GLYATL2: variants seen among roughly 807,000 people sequenced by gnomAD.
The protein encoded by GLYATL2 is glycine N-acyltransferase-like protein 2.
A neutral mutation model predicts 21.4 loss-of-function variants in GLYATL2; 25 were observed. That is an observed-to-expected ratio of 1.17 (90% CI 0.85 to 1.63). The LOEUF is 1.63. Among genes scored for constraint, GLYATL2 ranks in the 40% most tolerant of loss-of-function variants. GLYATL2 has a pLI of 0.00. For missense variants in GLYATL2, 361 were observed against 343.3 expected (o/e 1.05, Z -0.41); for synonymous variants, 114 against 118.2 (o/e 0.96, Z 0.23).
Position 58,886,007 on chromosome 11 carries a change from G to A in GLYATL2, n.60+18149C>T, listed in dbSNP as rs193212441. ...AGGCAGGAGGATCACTTGAGTCCAGGAGTTTGAGACCAGCCTGTGCAACAT... is the reference window on the plus strand; with the variant it reads ...AGGCAGGAGGATCACTTGAGTCCAGAAGTTTGAGACCAGCCTGTGCAACAT... On this transcript the variant is annotated intron_variant and non_coding_transcript_variant, in intron 1 of 4. Coordinates refer to the GLYATL2 transcript ENST00000533636. Among the ~76,000 whole-genome samples the A allele has an allele frequency of 5.3e-3, 811 of 152,260 alleles. 8 individuals are homozygous for A. The highest frequency in any genetic ancestry group is 0.019 in the African/African-American group (777 of 41,558).
Position 58,873,292 on chromosome 11 carries a change from G to A in GLYATL2, n.60+30864C>T, listed in dbSNP as rs1233366021. Among the ~76,000 whole-genome samples the A allele has an allele frequency of 4.0e-5, 6 of 151,826 alleles. No individual in the cohort carries two copies. In the South Asian group the frequency reaches 1.1e-3, roughly 27 times the overall value. On this transcript the variant is annotated intron_variant and non_coding_transcript_variant, in intron 1 of 4. Coordinates refer to the GLYATL2 transcript ENST00000533636. The stretch of plus-strand genomic sequence containing the variant: ...TACCCTTTATTTCCTTCTCCTGCCT[G>A]AATGCCCTGGCCAGAACTTCCAACA...
chr11:58,845,107 T>C (rs1323455193), upstream of GLYATL2, among the ~76,000 whole-genome samples: 1 of 152,146 alleles, frequency 6.6e-6, no homozygotes, highest in African/African-American at 2.4e-5. Context: ...AACATTGTTT[T>C]TCAAAGTGTG....
chr11:58,890,170 G>A (rs1854515910), intron 1 of GLYATL2, among the ~76,000 whole-genome samples: 1 of 152,116 alleles, frequency 6.6e-6, no homozygotes. Flanking sequence ...TCAAAGCTTA[G>A]TTCCCAGTTA....
chr11:58,858,701 T>C (rs1853877182), intron 1 of GLYATL2, among the ~76,000 whole-genome samples: 1 of 152,216 alleles, frequency 6.6e-6, no homozygotes, highest in African/African-American at 2.4e-5. Context: ...TTATGCCAGA[T>C]TACAGCAACA....
intron 1 of GLYATL2, among the ~76,000 whole-genome samples, chr11:58,868,766 C>T (rs1854064452): frequency 6.7e-6 from 1 of 149,078 alleles, no homozygotes; most frequent in Non-Finnish European, 1.5e-5. Flanking sequence ...CTGGCCTTAA[C>T]CATGTTCCTG....
chr11:58,900,838 G>T (rs559903271), intron 1 of GLYATL2, among the ~76,000 whole-genome samples: 2 of 151,016 alleles, frequency 1.3e-5, no homozygotes, highest in Admixed American at 1.3e-4. Flanking sequence ...GCTACCATTG[G>T]CTTTCATTGA....
intron 1 of GLYATL2, among the ~76,000 whole-genome samples, chr11:58,894,335 C>G (rs1854597889): frequency 6.6e-6 from 1 of 152,074 alleles, no homozygotes; most frequent in Non-Finnish European, 1.5e-5. Flanking sequence ...TAAGAACTTT[C>G]TAATTAAATA....
intron 1 of GLYATL2, among the ~76,000 whole-genome samples, chr11:58,876,086 T>A (rs1310857439): frequency 6.6e-6 from 1 of 152,256 alleles, no homozygotes; most frequent in Non-Finnish European, 1.5e-5. Context: ...TCGCATCGGT[T>A]ACTGAGGCTT....
chr11:58,906,476 T>G (rs773773457), upstream of GLYATL2, among the ~76,000 whole-genome samples: 1 of 151,974 alleles, frequency 6.6e-6, no homozygotes, highest in Admixed American at 6.5e-5. Flanking sequence ...GTTCCTGGGG[T>G]GTAGTGAGGG....
At chr11:58,874,648 G>T (rs1311773666) in intron 1 of GLYATL2, among the ~76,000 whole-genome samples, 1 of 152,224 alleles carries the variant, frequency 6.6e-6, no homozygotes, top group African/African-American at 2.4e-5. Context: ...ACTGTGGTCT[G>T]AGAAACAGTT....
intron 1 of GLYATL2, among the ~76,000 whole-genome samples, chr11:58,903,677 A>C (rs1247305401): frequency 6.6e-6 from 1 of 152,184 alleles, no homozygotes; most frequent in African/African-American, 2.4e-5. Context: ...TGTCTCAAAA[A>C]ACAAAATAAA....
upstream of GLYATL2, among the ~76,000 whole-genome samples, chr11:58,906,072 C>T (rs966116381): frequency 2.0e-4 from 31 of 152,172 alleles, no homozygotes; most frequent in African/African-American, 7.5e-4. Flanking sequence ...GAGCAGCGGG[C>T]ACTAGCACGT....
rs1590747358 is a variant in GLYATL2 at position 58,885,365 on chromosome 11, C to T, written n.60+18791G>A. 24 of 321,076 alleles carry T rather than the reference C, an allele frequency of 7.5e-5. 1 individual carries two copies. Among genetic ancestry groups the T allele is most frequent in the Middle Eastern group, 1.1e-3 (1 of 918 alleles). The allele number at this position is 321,076 out of a possible 1,614,324, so 19.9% of individuals were successfully genotyped here. A position where few individuals can be genotyped will look rare whatever the true frequency, so the allele number is the denominator to read the frequency against. Reference sequence around the variant, plus strand: ...GTCTTTTGACCTCCGTTTTTCTCTTCCTCTTCACATCCAGATCCCCATCTC... The same window carrying T: ...GTCTTTTGACCTCCGTTTTTCTCTTTCTCTTCACATCCAGATCCCCATCTC... On this transcript the variant is annotated intron_variant and non_coding_transcript_variant, in intron 1 of 4. Transcript: ENST00000533636.
chr11:58,908,003 T>C (rs1321301821), upstream of GLYATL2: 1 of 153,052 alleles, frequency 6.5e-6, no homozygotes, highest in Admixed American at 6.5e-5. Context: ...TTTCCGATAG[T>C]TCTTTTCCTG....
intron 1 of GLYATL2, among the ~76,000 whole-genome samples, chr11:58,899,534 G>C (rs1208741581): frequency 6.6e-6 from 1 of 152,112 alleles, no homozygotes. Context: ...AGGAAAAGAG[G>C]CCTCAGATAC....
At chr11:58,904,856 A>T (rs1854823151), upstream of GLYATL2, among the ~76,000 whole-genome samples, 1 of 152,222 alleles carries the variant, frequency 6.6e-6, no homozygotes, top group Non-Finnish European at 1.5e-5. Flanking sequence ...GAGTTACAAA[A>T]TAATTTTCAC....
At chr11:58,860,350 T>G (rs1244958709) in intron 1 of GLYATL2, among the ~76,000 whole-genome samples, 1 of 152,110 alleles carries the variant, frequency 6.6e-6, no homozygotes, top group Non-Finnish European at 1.5e-5. Flanking sequence ...AGTTTACTCC[T>G]AAGTATTTAT....
At chr11:58,856,530 CT>C (rs1441019062) in intron 1 of GLYATL2, among the ~76,000 whole-genome samples, 1 of 152,148 alleles carries the variant, frequency 6.6e-6, no homozygotes, top group Non-Finnish European at 1.5e-5. Flanking sequence ...TCATTTTTCG[CT>C]TTTTGTTTAA....
chr11:58,838,318 C>A lies in GLYATL2; in HGVS notation c.129G>T (p.Glu43Asp). 1.2e-6 allele frequency: 2 copies of A among 1,613,450 alleles called. No individual in the cohort carries two copies. Among genetic ancestry groups the A allele is most frequent in the Non-Finnish European group, 1.7e-6 (2 of 1,179,508 alleles). ...NIKDKNPFNM[E>D]VLVDAWPDYQ... is the part of the protein sequence containing the mutation. ...AATCTGGCCAGGCATCTACCAGCAC[C>A]TCCATGTTGAAAGGGTTTTTATCTT... The change falls in exon 3 of 6, where the codon GAG becomes GAT. Residue 43 changes from glutamate to aspartate, a missense_variant. Physicochemically the swap from Glu to Asp is conservative, Grantham distance 45 (BLOSUM62 2). Coordinates refer to ENST00000287275, the MANE Select transcript of GLYATL2 (RefSeq NM_145016.4).
Sources: gnomAD v4.1 joint callset for allele counts (sites outside exome capture counted in the v4.1 genomes callset) on GRCh38, gnomAD v4.1.1 for gene constraint, MANE v1.5 for transcripts, NCBI Gene and HGNC (gene_info 2026-07-23, HGNC 2026-07-21) for gene names.